Variants in CDYL observed in about 807,000 individuals in gnomAD.
CDYL encodes the protein chromodomain Y like, also known as chromodomain Y-like protein.
Under a neutral mutation model 47.3 loss-of-function variants are expected in CDYL, and 8 were observed. The ratio of observed to expected loss-of-function variants is 0.17; its 90% CI spans 0.10 to 0.31. The LOEUF (loss-of-function observed/expected upper bound fraction) is 0.31, where lower values mean the gene tolerates loss of function less well. Among genes scored for constraint, CDYL ranks in the 10% least tolerant of loss-of-function variants. The pLI is 1.00. For missense variants in CDYL, 471 were observed against 701.4 expected, an observed-to-expected ratio of 0.67 and a Z score of 3.71; for synonymous variants, 266 against 265.0, an observed-to-expected ratio of 1.00 and a Z score of -0.04.
chr6:4,774,317 T>C (rs1020605314), upstream of CDYL, among the ~76,000 whole-genome samples: 18 of 152,264 alleles, frequency 1.2e-4, no homozygotes, highest in African/African-American at 2.9e-4. Context: ...GTGCACTCAA[T>C]GCTTTGAGAT....
intron 3 of CDYL, among the ~76,000 whole-genome samples, chr6:4,759,859 A>G: frequency 7.6e-6 from 1 of 130,738 alleles, no homozygotes; most frequent in African/African-American, 2.9e-5. Context: ...AGCCTGGGCA[A>G]CAAGAGAGAA....
intron 2 of CDYL, among the ~76,000 whole-genome samples, chr6:4,934,103 A>G (rs1372114648): frequency 1.3e-5 from 2 of 152,170 alleles, no homozygotes; most frequent in African/African-American, 4.8e-5. Flanking sequence ...GTGTACTGCC[A>G]TCTGTGCTTT....
At chr6:4,953,860 A>G (rs1347421420) in intron 6 of CDYL, 38 bp from the exon 7 acceptor site, 6 of 1,599,382 alleles carry the variant, frequency 3.8e-6, no homozygotes, top group East Asian at 2.2e-5. Context: ...GTCTGCCCGC[A>G]TGCACCCTGC....
intron 2 of CDYL, among the ~76,000 whole-genome samples, chr6:4,927,896 G>C (rs972897542): frequency 2.6e-5 from 4 of 151,942 alleles, no homozygotes; most frequent in African/African-American, 9.7e-5. Flanking sequence ...GTTCTATTAT[G>C]CTTTTTATTA....
At chr6:4,714,070 A>G (rs1757207264) in intron 1 of CDYL, 4 of 152,206 alleles carry the variant, frequency 2.6e-5, no homozygotes. Context: ...GGCTGTTACC[A>G]GCACCTTACA....
At chr6:4,908,584 G>A (rs1757310332) in intron 2 of CDYL, among the ~76,000 whole-genome samples, 1 of 152,164 alleles carries the variant, frequency 6.6e-6, no homozygotes, top group Non-Finnish European at 1.5e-5. Flanking sequence ...GGCTCTCCAA[G>A]CTTCCAGGGT....
chr6:4,789,154 CA>C (rs1758847909), intron 1 of CDYL, among the ~76,000 whole-genome samples: 1 of 152,204 alleles, frequency 6.6e-6, no homozygotes, highest in Admixed American at 6.5e-5. Flanking sequence ...CTGCTCACTG[CA>C]GCCTCTGTCT....
chr6:4,788,072 G>A (rs1026118100), intron 1 of CDYL, among the ~76,000 whole-genome samples: 10 of 151,958 alleles, frequency 6.6e-5, no homozygotes, highest in Admixed American at 5.9e-4. Flanking sequence ...GCACCTGGTC[G>A]AAATTCGAGT....
At chr6:4,773,188 G>A (rs777579553), upstream of CDYL, 2 of 457,396 alleles carry the variant, frequency 4.4e-6, no homozygotes, top group South Asian at 3.1e-5. The surrounding 1 kb of genome is among the most constrained non-coding windows in gnomAD (Gnocchi z 4.6). Flanking sequence ...GGTAAGAATC[G>A]TTTATTGCTG....
chr6:4,772,383 T>A (rs1005042148), upstream of CDYL, among the ~76,000 whole-genome samples: 4 of 152,054 alleles, frequency 2.6e-5, no homozygotes, highest in Non-Finnish European at 5.9e-5. Flanking sequence ...AAACTGACTG[T>A]TTGGGCAGGG....
intron 1 of CDYL, among the ~76,000 whole-genome samples, chr6:4,712,818 G>T (rs2127406853): frequency 6.6e-6 from 1 of 152,304 alleles, no homozygotes; most frequent in East Asian, 1.9e-4. Context: ...TAGCAGGAAG[G>T]GGTTCTTTCC....
At chr6:4,788,556 T>A (rs1217731455) in intron 1 of CDYL, among the ~76,000 whole-genome samples, 1 of 150,348 alleles carries the variant, frequency 6.7e-6, no homozygotes, top group African/African-American at 2.5e-5. Context: ...CCCTTAGAGT[T>A]TGAAAAGGAA....
At chr6:4,874,756 T>TG (rs1391685088) in intron 1 of CDYL, among the ~76,000 whole-genome samples, 2 of 152,236 alleles carry the variant, frequency 1.3e-5, no homozygotes, top group African/African-American at 4.8e-5. Context: ...ACTGTTCTCA[T>TG]GTCCCTTTCC....
chr6:4,842,276 G>T (rs1760525158), intron 1 of CDYL, among the ~76,000 whole-genome samples: 2 of 145,754 alleles, frequency 1.4e-5, no homozygotes, highest in South Asian at 2.1e-4. Flanking sequence ...ATAAATATCT[G>T]TTAAGTCCTT....
intron 1 of CDYL, among the ~76,000 whole-genome samples, chr6:4,885,761 A>G (rs1034135494): frequency 1.3e-5 from 2 of 152,130 alleles, no homozygotes; most frequent in Non-Finnish European, 2.9e-5. Flanking sequence ...TTTGAGATTA[A>G]CTCACATACC....
chr6:4,786,799 A>T (rs914216427), intron 1 of CDYL, among the ~76,000 whole-genome samples: 1 of 152,156 alleles, frequency 6.6e-6, no homozygotes, highest in African/African-American at 2.4e-5. Flanking sequence ...GGAGAACTCC[A>T]TGTCTTCCAG....
intron 1 of CDYL, among the ~76,000 whole-genome samples, chr6:4,851,612 C>T (rs889278908): frequency 1.3e-5 from 2 of 152,106 alleles, no homozygotes; most frequent in African/African-American, 2.4e-5. Context: ...CAGGTGGGCA[C>T]GAGGACCTGG....
chr6:4,870,820 AT>A lies in CDYL; in HGVS notation c.25-20886del, dbSNP rs565515271. Among the ~76,000 whole-genome samples, 7 of 152,142 alleles carry A rather than the reference AT, an allele frequency of 4.6e-5. No individual in the cohort carries two copies. In the South Asian group the frequency reaches 1.0e-3, roughly 23 times the overall value. ...TGGATTTTTAAACTCTAGAATTATT[AT>A]TTTTTTATTTTGATACACGCTTTTT... is the stretch of plus-strand genomic sequence containing the variant. On this transcript the variant is annotated intron_variant, in intron 1 of 6. Coordinates refer to ENST00000397588, the MANE Select transcript of CDYL (RefSeq NM_004824.4).
At chr6:4,902,632 G>C (rs1369409886) in intron 2 of CDYL, among the ~76,000 whole-genome samples, 1 of 152,130 alleles carries the variant, frequency 6.6e-6, no homozygotes, top group Non-Finnish European at 1.5e-5. Flanking sequence ...ATCTTTGGGA[G>C]CTAGGCACTG....
Sources: allele counts gnomAD v4.1 joint callset (sites outside exome capture counted in the v4.1 genomes callset), GRCh38; gene constraint gnomAD v4.1.1; non-coding constraint Gnocchi (gnomAD v3.1); transcripts MANE v1.5; gene names NCBI Gene and HGNC (gene_info 2026-07-23, HGNC 2026-07-21).